The following ERBIN variants were observed in gnomAD, a reference collection of about 807,000 sequenced individuals.
ERBIN encodes erbb2 interacting protein, also known as densin-180-like protein.
In ERBIN, 60 loss-of-function variants were observed where a neutral mutation model predicts 158.4. That is an observed-to-expected ratio of 0.38 (90% CI 0.31 to 0.47). The LOEUF (loss-of-function observed/expected upper bound fraction) is 0.47. Ranked by LOEUF, ERBIN falls within the 20% of genes least tolerant of loss-of-function variation. The pLI is 0.99. For missense variants in ERBIN, 1,610 were observed against 1,648.0 expected, an observed-to-expected ratio of 0.98 and a Z score of 0.40; for synonymous variants, 594 against 557.2, an observed-to-expected ratio of 1.07 and a Z score of -0.93.
At chr5:66,032,004 A>G (rs574351811) in intron 14 of ERBIN, among the ~76,000 whole-genome samples, 2 of 152,204 alleles carry the variant, frequency 1.3e-5, no homozygotes, top group Admixed American at 6.5e-5. Flanking sequence ...ACCATGACCA[A>G]CTAGACATAA....
intron 1 of ERBIN, among the ~76,000 whole-genome samples, chr5:65,933,132 C>A (rs1743647130): frequency 6.6e-6 from 1 of 152,142 alleles, no homozygotes; most frequent in South Asian, 2.1e-4. Context: ...CTGCATGTAA[C>A]CTTTAATCTC....
intron 1 of ERBIN, among the ~76,000 whole-genome samples, chr5:65,983,166 T>C (rs1307177973): frequency 6.6e-6 from 1 of 152,228 alleles, no homozygotes; most frequent in Non-Finnish European, 1.5e-5. Flanking sequence ...TAGTTTGATA[T>C]AAAATTTTAA....
rs997930779 is a variant in ERBIN, at chr5:65,973,453, C to G, written c.-57-15182C>G. Among the ~76,000 whole-genome samples, 5 of 151,118 alleles carry G rather than the reference C, an allele frequency of 3.3e-5. 1 individual carries two copies. The highest frequency in any genetic ancestry group is 1.2e-4 in the African/African-American group (5 of 40,540). On this transcript the variant is annotated intron_variant, in intron 1 of 25. Coordinates refer to ENST00000284037, the MANE Select transcript of ERBIN (RefSeq NM_001253697.2). ...AAAAAAAGAAATTAGGGCCTTGTCTCTTCCAGATTAATTTGCATTTTAATA... is the reference window on the plus strand; with the variant it reads ...AAAAAAAGAAATTAGGGCCTTGTCTGTTCCAGATTAATTTGCATTTTAATA...
chr5:65,980,396 C>T (rs1278772957), intron 1 of ERBIN, among the ~76,000 whole-genome samples: 1 of 151,942 alleles, frequency 6.6e-6, no homozygotes, highest in South Asian at 2.1e-4. Flanking sequence ...CCACTGCACT[C>T]CAGCCTGGAT....
At chr5:66,003,549 A>G (rs1753221138) in intron 4 of ERBIN, among the ~76,000 whole-genome samples, 1 of 152,216 alleles carries the variant, frequency 6.6e-6, no homozygotes, top group South Asian at 2.1e-4. Flanking sequence ...GTCACTTATT[A>G]TCTGGGAAAA....
chr5:66,077,008 TA>T (rs1200719180), intron 25 of ERBIN, 59 bp downstream of exon 25: 28 of 1,281,156 alleles, frequency 2.2e-5, no homozygotes, highest in Non-Finnish European at 2.9e-5. Context: ...TTTCACAGTT[TA>T]AAATGTTTTC....
At position 65,929,637 on chromosome 5, in the gene ERBIN, CTTTTTTTTT is replaced by C. The variant is rs762687200; in HGVS notation, c.-58+2843_-58+2851del. Among the ~76,000 whole-genome samples the C allele has an allele frequency of 4.1e-5, 5 of 121,670 alleles. No individual in the cohort carries two copies. In the East Asian group the frequency reaches 1.1e-3, roughly 28 times the overall value. 79.8% of individuals were successfully genotyped at this position (121,670 alleles called of 152,430 possible). A position where few individuals can be genotyped will look rare whatever the true frequency, so the allele number is the denominator to read the frequency against. On this transcript the variant is annotated intron_variant, in intron 1 of 25. Coordinates refer to ENST00000284037, the MANE Select transcript of ERBIN (RefSeq NM_001253697.2). The stretch of plus-strand genomic sequence containing the variant: ...TCTAAAGATGTCTTTGTCTTTTCCT[CTTTTTTTTT>C]TTTTTTTTTTTCGAGATGGAGTCTT...
intron 2 of ERBIN, among the ~76,000 whole-genome samples, chr5:65,991,404 A>T (rs1751851840): frequency 6.6e-6 from 1 of 152,196 alleles, no homozygotes; most frequent in South Asian, 2.1e-4. Context: ...AGGTAATCTA[A>T]TACTCTAATA....
Position 65,946,732 on chromosome 5 carries a change from C to A in ERBIN, c.-58+19926C>A, listed in dbSNP as rs973044004. On this transcript the variant is annotated intron_variant, in intron 1 of 25. Coordinates refer to ENST00000284037, the MANE Select transcript of ERBIN (RefSeq NM_001253697.2). ...TGGTTGTACTATTTTGCATTCCCAC[C>A]AGCAGTGTATGAGAGATCTAGTTTT... Among the ~76,000 whole-genome samples the A allele has an allele frequency of 3.3e-5, 5 of 151,420 alleles. No homozygotes were observed. In the East Asian group the frequency reaches 5.8e-4, roughly 18 times the overall value.
At chr5:66,049,476 GTACTA>G (rs1401924780) in intron 19 of ERBIN, among the ~76,000 whole-genome samples, 1 of 151,966 alleles carries the variant, frequency 6.6e-6, no homozygotes, top group Non-Finnish European at 1.5e-5. Flanking sequence ...AATTGCTTAG[GTACTA>G]TACTAAATAT....
chr5:66,060,971 G>A (rs961636476), intron 21 of ERBIN, among the ~76,000 whole-genome samples: 1 of 152,110 alleles, frequency 6.6e-6, no homozygotes, highest in African/African-American at 2.4e-5. Flanking sequence ...CCAACTGTGT[G>A]GTCAATTTTG....
chr5:65,978,449 A>T (rs1470097195), intron 1 of ERBIN, among the ~76,000 whole-genome samples: 1 of 134,732 alleles, frequency 7.4e-6, no homozygotes, highest in Non-Finnish European at 1.7e-5. Context: ...ATGGAAGAGG[A>T]TTCCACAGAT....
At chr5:66,034,939 G>T (rs1262941284) in intron 14 of ERBIN, among the ~76,000 whole-genome samples, 1 of 152,100 alleles carries the variant, frequency 6.6e-6, no homozygotes, top group Non-Finnish European at 1.5e-5. Flanking sequence ...AGGAGTAAAT[G>T]GTGGGAAGAA....
At chr5:65,928,858 TAGA>T (rs1743006990) in intron 1 of ERBIN, among the ~76,000 whole-genome samples, 1 of 152,220 alleles carries the variant, frequency 6.6e-6, no homozygotes, top group African/African-American at 2.4e-5. Flanking sequence ...AAGAGGTTAA[TAGA>T]GGAGTCATCC....
chr5:66,017,005 C>G (rs545311041), intron 7 of ERBIN, among the ~76,000 whole-genome samples: 1 of 152,138 alleles, frequency 6.6e-6, no homozygotes, highest in South Asian at 2.1e-4. Flanking sequence ...TAATGACCTC[C>G]TGATCAACCC....
Position 66,044,238 on chromosome 5 carries a change from C to G in ERBIN, c.1530C>G (p.Thr510=). The change falls in exon 17 of 26, where the codon ACC becomes ACG. Residue 510 remains threonine, a synonymous_variant. Coordinates refer to ENST00000284037, the MANE Select transcript of ERBIN (RefSeq NM_001253697.2). ...TIVHRLKDEE[T]NEDSGRDLKP... Reference sequence around the variant, plus strand: ...TACATAGATTAAAAGATGAAGAGACCAATGAAGACTCAGGAAGAGATTTGA... The same window carrying G: ...TACATAGATTAAAAGATGAAGAGACGAATGAAGACTCAGGAAGAGATTTGA... The G allele has an allele frequency of 6.2e-7, 1 of 1,611,090 alleles. No individual in the cohort carries two copies. The highest frequency in any genetic ancestry group is 8.5e-7 in the Non-Finnish European group (1 of 1,178,740).
At chr5:66,063,377 A>G (rs1311350571) in intron 21 of ERBIN, among the ~76,000 whole-genome samples, 1 of 152,172 alleles carries the variant, frequency 6.6e-6, no homozygotes, top group African/African-American at 2.4e-5. Flanking sequence ...CGGTTTGTTA[A>G]GCCCGTTGGA....
At chr5:66,070,940 A>G (rs2151296271) in intron 21 of ERBIN, among the ~76,000 whole-genome samples, 1 of 152,326 alleles carries the variant, frequency 6.6e-6, no homozygotes, top group South Asian at 2.1e-4. Flanking sequence ...TTTTGAATGT[A>G]ACAATAGTGC....
chr5:65,946,774 C>T (rs941019485), intron 1 of ERBIN, among the ~76,000 whole-genome samples: 1 of 149,722 alleles, frequency 6.7e-6, no homozygotes, highest in Admixed American at 6.7e-5. Flanking sequence ...TCCTAGCCAG[C>T]AATTGGTTGT....
Sources: allele counts gnomAD v4.1 joint callset (sites outside exome capture counted in the v4.1 genomes callset), GRCh38; gene constraint gnomAD v4.1.1; transcripts MANE v1.5; gene names NCBI Gene and HGNC (gene_info 2026-07-23, HGNC 2026-07-21).